The following KMT2C variants were observed in gnomAD, a reference collection of about 807,000 sequenced individuals.
KMT2C encodes lysine methyltransferase 2C, also known as histone-lysine N-methyltransferase 2C.
Under a neutral mutation model 507.9 loss-of-function variants are expected in KMT2C, and 88 were observed. That is an observed-to-expected ratio of 0.17 (90% CI 0.15 to 0.21). The LOEUF is 0.21. Among genes scored for constraint, KMT2C ranks in the 10% least tolerant of loss-of-function variants. The probability of loss-of-function intolerance (pLI) is 1.00; values close to 1 mark genes in which losing one functional copy is unlikely to be tolerated. For missense variants in KMT2C, 4,954 were observed against 5,957.8 expected, an observed-to-expected ratio of 0.83 and a Z score of 5.55; for synonymous variants, 2,049 against 2,080.8, an observed-to-expected ratio of 0.98 and a Z score of 0.42.
intron 9 of KMT2C, among the ~76,000 whole-genome samples, chr7:152,260,644 A>G (rs1033266202): frequency 2.0e-5 from 3 of 152,180 alleles, no homozygotes; most frequent in Non-Finnish European, 4.4e-5. Flanking sequence ...TCAGAGTATA[A>G]GAAAGAAAAA....
chr7:152,337,874 A>G (rs10259904), intron 2 of KMT2C, among the ~76,000 whole-genome samples: 1 of 143,242 alleles, frequency 7.0e-6, no homozygotes, highest in Admixed American at 6.8e-5. Flanking sequence ...TTTTTTTTTT[A>G]AAGACAGAGT....
At chr7:152,356,476 T>G (rs2097152439) in intron 2 of KMT2C, among the ~76,000 whole-genome samples, 1 of 151,728 alleles carries the variant, frequency 6.6e-6, no homozygotes, top group African/African-American at 2.4e-5. Flanking sequence ...CTCAGAAGGC[T>G]GAGACAGGAG....
At chr7:152,137,233 C>T in intron 58 of KMT2C, 1 of 249,380 alleles carries the variant, frequency 4.0e-6, no homozygotes, top group East Asian at 8.8e-5. Context: ...ACTGGAAGGG[C>T]AACTGCTTTC....
At chr7:152,249,803 G>A (rs558768840) in intron 13 of KMT2C, 73 bp downstream of exon 13, 41 of 871,890 alleles carry the variant, frequency 4.7e-5, no homozygotes, top group East Asian at 3.0e-4. Flanking sequence ...TACAGCAATC[G>A]CAAAAATGTC....
At chr7:152,158,451 T>A (rs963765860) in intron 44 of KMT2C, among the ~76,000 whole-genome samples, 2 of 152,190 alleles carry the variant, frequency 1.3e-5, no homozygotes, top group African/African-American at 4.8e-5. Flanking sequence ...GGAAAAAGTC[T>A]ACTAGGTTCC....
chr7:152,255,207 C>T (rs2095641353), intron 9 of KMT2C, among the ~76,000 whole-genome samples: 2 of 145,766 alleles, frequency 1.4e-5, no homozygotes, highest in Admixed American at 6.9e-5. Flanking sequence ...TGCTCTGTAG[C>T]CCAGGCTGGA....
intron 1 of KMT2C, among the ~76,000 whole-genome samples, chr7:152,419,152 C>A (rs1391823087): frequency 6.6e-6 from 1 of 152,046 alleles, no homozygotes; most frequent in Non-Finnish European, 1.5e-5. Flanking sequence ...GAGTTTGAGA[C>A]CAGCCTGGCC....
intron 3 of KMT2C, among the ~76,000 whole-genome samples, chr7:152,316,031 C>T (rs1160110532): frequency 6.6e-6 from 1 of 152,078 alleles, no homozygotes; most frequent in Non-Finnish European, 1.5e-5. Flanking sequence ...CTTGATAGAA[C>T]GTTCATTATG....
At chr7:152,395,067 G>C (rs2097528649) in intron 1 of KMT2C, among the ~76,000 whole-genome samples, 1 of 152,004 alleles carries the variant, frequency 6.6e-6, no homozygotes, top group Admixed American at 6.6e-5. Context: ...TCAATCGTAA[G>C]GCATGCCAAT....
At chr7:152,268,917 A>C (rs1450703657) in intron 7 of KMT2C, among the ~76,000 whole-genome samples, 1 of 152,222 alleles carries the variant, frequency 6.6e-6, no homozygotes, top group Non-Finnish European at 1.5e-5. Flanking sequence ...GGTGTGCAGT[A>C]AGCATAAAAT....
intron 2 of KMT2C, among the ~76,000 whole-genome samples, chr7:152,356,830 G>A (rs953750497): frequency 1.3e-5 from 2 of 151,316 alleles, no homozygotes; most frequent in South Asian, 4.2e-4. Flanking sequence ...GACAGAGATT[G>A]CAGTGAGCTG....
chr7:152,348,261 G>T (rs1346403660), intron 2 of KMT2C, among the ~76,000 whole-genome samples: 1 of 152,012 alleles, frequency 6.6e-6, no homozygotes, highest in African/African-American at 2.4e-5. Context: ...AACATTTAAG[G>T]AAGAAATTAT....
chr7:152,146,824 T>TA, intron 52 of KMT2C, 89 bp from the exon 53 acceptor site: 1 of 1,142,336 alleles, frequency 8.8e-7, no homozygotes. Context: ...CTCACAAGGA[T>TA]TTACTAATTT....
At chr7:152,351,276 T>C (rs1563955672) in intron 2 of KMT2C, among the ~76,000 whole-genome samples, 1 of 151,886 alleles carries the variant, frequency 6.6e-6, no homozygotes, top group Non-Finnish European at 1.5e-5. Flanking sequence ...TGTGCAAGAG[T>C]GTATGTAGTG....
chr7:152,182,171 G>A lies in KMT2C; in HGVS notation c.5689C>T (p.Pro1897Ser), dbSNP rs761429170. 3 of 1,614,008 alleles carry A rather than the reference G, an allele frequency of 1.9e-6. No homozygotes were observed. Among genetic ancestry groups the A allele is most frequent in the African/African-American group, 1.3e-5 (1 of 74,872 alleles). The stretch of plus-strand genomic sequence containing the variant: ...GGGGTACCAACCATTTTTGCATATG[G>A]ATCCATTGGAGATGGTGGTCGTGAG... The part of the protein sequence containing the change: ...SNSRPPSPMD[P>S]YAKMVGTPRP... The change falls in exon 36 of 59, where the codon CCA (proline) becomes TCA (serine). Residue 1897 changes from proline to serine, a missense_variant. Coordinates refer to ENST00000262189, the MANE Select transcript of KMT2C (RefSeq NM_170606.3).
chr7:152,284,298 C>A (rs377272292), intron 6 of KMT2C, among the ~76,000 whole-genome samples: 8 of 152,036 alleles, frequency 5.3e-5, no homozygotes, highest in African/African-American at 1.9e-4. Context: ...GAAATAGACT[C>A]ACTTTTCCAT....
chr7:152,238,559 A>G (rs2095327022), intron 15 of KMT2C, 148 bp downstream of exon 15: 1 of 605,764 alleles, frequency 1.7e-6, no homozygotes, highest in Non-Finnish European at 2.7e-6. Context: ...AAATGCAAGC[A>G]TATTATTTCT....
chr7:152,389,432 T>C (rs2097469039), intron 1 of KMT2C, among the ~76,000 whole-genome samples: 2 of 151,590 alleles, frequency 1.3e-5, no homozygotes, highest in South Asian at 2.1e-4. Flanking sequence ...AGCAAACTGA[T>C]AGGAGAGGCC....
intron 1 of KMT2C, chr7:152,367,200 T>A: frequency 6.7e-7 from 1 of 1,494,302 alleles, no homozygotes; most frequent in South Asian, 1.2e-5. Context: ...TGAGGAAGCT[T>A]TTCTACTCAG....
Sources: gnomAD v4.1 joint callset for allele counts (sites outside exome capture counted in the v4.1 genomes callset) on GRCh38, gnomAD v4.1.1 for gene constraint, MANE v1.5 for transcripts, NCBI Gene and HGNC (gene_info 2026-07-23, HGNC 2026-07-21) for gene names.